Variants in SRFBP1 observed in about 807,000 individuals in gnomAD.
SRFBP1 encodes the protein serum response factor-binding protein 1.
SRFBP1 carries 47 observed loss-of-function variants against 45.5 expected under a neutral mutation model. That is an observed-to-expected ratio of 1.03 (90% CI 0.82 to 1.32). SRFBP1 has a LOEUF of 1.32. Among genes scored for constraint, SRFBP1 ranks in the 40% most tolerant of loss-of-function variants. The pLI is 0.00. For synonymous variants in SRFBP1, 203 were observed against 166.3 expected, an observed-to-expected ratio of 1.22 and a Z score of -1.70; for missense variants, 621 against 484.6, an observed-to-expected ratio of 1.28 and a Z score of -2.64.
At chr5:122,073,216 G>A (rs1754502319) in intron 2 of SRFBP1, among the ~76,000 whole-genome samples, 1 of 152,086 alleles carries the variant, frequency 6.6e-6, no homozygotes, top group Non-Finnish European at 1.5e-5. Flanking sequence ...AAATTATAAT[G>A]TCCTTTTACA....
chr5:122,051,571 G>T (rs1753980478), intron 2 of SRFBP1, among the ~76,000 whole-genome samples: 1 of 151,230 alleles, frequency 6.6e-6, no homozygotes, highest in Non-Finnish European at 1.5e-5. Flanking sequence ...CTGAAATTAG[G>T]ATTGCAACCC....
intron 2 of SRFBP1, among the ~76,000 whole-genome samples, chr5:122,042,453 A>G (rs879826460): frequency 2.6e-5 from 4 of 151,984 alleles, no homozygotes; most frequent in Non-Finnish European, 4.4e-5. Context: ...ACATCTTGCT[A>G]TGTTGCCCAG....
intron 4 of SRFBP1, among the ~76,000 whole-genome samples, chr5:121,997,754 G>T (rs1024775899): frequency 6.6e-6 from 1 of 151,520 alleles, no homozygotes; most frequent in Non-Finnish European, 1.5e-5. Context: ...GAAAATTTTC[G>T]CAACCTACTC....
chr5:122,045,996 A>G (rs1362994397), intron 2 of SRFBP1, among the ~76,000 whole-genome samples: 2 of 152,118 alleles, frequency 1.3e-5, no homozygotes, highest in Non-Finnish European at 2.9e-5. Context: ...TGGGTTTGTC[A>G]TAGATGGCTC....
chr5:122,030,848 C>T (rs188540060), downstream of SRFBP1, among the ~76,000 whole-genome samples: 2 of 151,954 alleles, frequency 1.3e-5, no homozygotes, highest in African/African-American at 4.8e-5. Context: ...AGAATATAGA[C>T]CTTACACATA....
At chr5:122,070,216 C>A (rs754323626) in intron 2 of SRFBP1, 1 of 1,058,758 alleles carries the variant, frequency 9.4e-7, no homozygotes, top group South Asian at 1.3e-5. Context: ...CATAGGGCTA[C>A]AATAAGGAAA....
chr5:122,075,357 A>G, exon 3 of SRFBP1: 1 of 1,519,748 alleles, frequency 6.6e-7, no homozygotes, highest in Non-Finnish European at 8.8e-7. Flanking sequence ...AAATCACCTG[A>G]GAAATGAAAA....
At chr5:122,010,739 A>G (rs1312227247) in intron 4 of SRFBP1, among the ~76,000 whole-genome samples, 3 of 152,118 alleles carry the variant, frequency 2.0e-5, no homozygotes, top group Non-Finnish European at 4.4e-5. Context: ...ATTTTCACAA[A>G]AAAACTGTAT....
chr5:122,028,880 A>G (rs1753547413), downstream of SRFBP1, among the ~76,000 whole-genome samples: 1 of 152,198 alleles, frequency 6.6e-6, no homozygotes, highest in Admixed American at 6.5e-5. Flanking sequence ...CGGTCCAAGT[A>G]AAAAGTTAAG....
At chr5:121,985,410 A>G (rs1178913819) in intron 3 of SRFBP1, among the ~76,000 whole-genome samples, 1 of 151,418 alleles carries the variant, frequency 6.6e-6, no homozygotes, top group Non-Finnish European at 1.5e-5. Flanking sequence ...TTATTTTGTT[A>G]GTTTCTATTC....
In SRFBP1 at chr5:121,974,254, T is replaced by G. The variant is rs769645177; in HGVS notation, c.95T>G (p.Val32Gly). 1 of 1,611,568 alleles carries G rather than the reference T, an allele frequency of 6.2e-7. No homozygotes were observed. The highest frequency in any genetic ancestry group is 1.1e-5 in the South Asian group (1 of 90,972). Residue 32 changes from valine to glycine, a missense_variant, in exon 2 of 8, where the codon GTC becomes GGC. Val to Gly is a moderately radical substitution (Grantham distance 109). Transcript: ENST00000339397. ...RIRVLVIRKL[V>G]RSVGRLKSKK... ...CGAGTTTTAGTTATCCGAAAACTTG[T>G]CAGGAGTGTTGGCCGACTGAAGTCA... is the stretch of plus-strand genomic sequence containing the variant.
At chr5:122,070,112 C>G (rs1414918316) in intron 2 of SRFBP1, 1 of 1,613,296 alleles carries the variant, frequency 6.2e-7, no homozygotes, top group Admixed American at 1.7e-5. Context: ...TGTCACAGCG[C>G]ACAACATTGT....
chr5:122,060,285 G>T (rs1754149993), intron 2 of SRFBP1, among the ~76,000 whole-genome samples: 1 of 151,224 alleles, frequency 6.6e-6, no homozygotes, highest in East Asian at 1.9e-4. Context: ...TTGTGTAGAT[G>T]TTGATTTTAT....
At chr5:122,078,067 A>G (rs1754696124), downstream of SRFBP1, 1 of 1,314,668 alleles carries the variant, frequency 7.6e-7, no homozygotes, top group Non-Finnish European at 9.9e-7. Flanking sequence ...ACGTGAGGGA[A>G]GGAGAAATCT....
chr5:122,019,946 T>C, intron 5 of SRFBP1, 142 bp from the exon 6 acceptor site: 1 of 479,280 alleles, frequency 2.1e-6, no homozygotes, highest in Non-Finnish European at 3.5e-6. Flanking sequence ...TCTTTGTGAA[T>C]TCAGACCGAG....
intron 2 of SRFBP1, among the ~76,000 whole-genome samples, chr5:122,047,805 A>G (rs1753892654): frequency 6.6e-6 from 1 of 152,148 alleles, no homozygotes; most frequent in Non-Finnish European, 1.5e-5. Flanking sequence ...TTCTCTTTGA[A>G]GCAAGTGTGA....
At chr5:122,009,466 CTATGTGTTA>C (rs1753045509) in intron 4 of SRFBP1, among the ~76,000 whole-genome samples, 1 of 151,976 alleles carries the variant, frequency 6.6e-6, no homozygotes, top group Admixed American at 6.6e-5. Context: ...TATTTTCTTA[CTATGTGTTA>C]TATCTGTGAT....
At chr5:122,057,230 C>T (rs1754094684) in intron 2 of SRFBP1, among the ~76,000 whole-genome samples, 6 of 152,230 alleles carry the variant, frequency 3.9e-5, no homozygotes, top group Admixed American at 2.6e-4. Flanking sequence ...TACACATGCA[C>T]ATGACAAAAA....
At chr5:122,011,215 C>T (rs139980876) in intron 4 of SRFBP1, among the ~76,000 whole-genome samples, 1 of 152,202 alleles carries the variant, frequency 6.6e-6, no homozygotes, top group Non-Finnish European at 1.5e-5. Flanking sequence ...GGGTTATTTA[C>T]ATTCTGAGAT....
Sources: allele counts gnomAD v4.1 joint callset (sites outside exome capture counted in the v4.1 genomes callset), GRCh38; gene constraint gnomAD v4.1.1; transcripts MANE v1.5; gene names NCBI Gene and HGNC (gene_info 2026-07-23, HGNC 2026-07-21).